The following PUS10 variants were observed in gnomAD, a reference collection of about 807,000 sequenced individuals.
The protein encoded by PUS10 is tRNA pseudouridine synthase Pus10.
In PUS10, 59 loss-of-function variants were observed where a neutral mutation model predicts 75.0. The observed-to-expected ratio is 0.79, with a 90% confidence interval of 0.64 to 0.98. The LOEUF (loss-of-function observed/expected upper bound fraction) is 0.98. Among genes scored for constraint, PUS10 ranks in the 50% least tolerant of loss-of-function variants. The probability of loss-of-function intolerance (pLI) is 0.00; values close to 1 mark genes in which losing one functional copy is unlikely to be tolerated. For missense variants in PUS10, 650 were observed against 614.4 expected, an observed-to-expected ratio of 1.06 and a Z score of -0.61; for synonymous variants, 219 against 211.6, an observed-to-expected ratio of 1.03 and a Z score of -0.30.
At chr2:61,016,216 C>A (rs146652281) in intron 1 of PUS10, among the ~76,000 whole-genome samples, 3 of 152,270 alleles carry the variant, frequency 2.0e-5, no homozygotes, top group Non-Finnish European at 4.4e-5. Flanking sequence ...TACAAAACTT[C>A]CAGTCCTGAG....
chr2:60,951,330 G>A (rs1435299337), intron 15 of PUS10, among the ~76,000 whole-genome samples: 3 of 151,978 alleles, frequency 2.0e-5, no homozygotes, highest in Non-Finnish European at 4.4e-5. Context: ...GATGGTTTTG[G>A]GATGATTCAA....
intron 8 of PUS10, among the ~76,000 whole-genome samples, chr2:60,963,468 T>A (rs1317173523): frequency 6.6e-6 from 1 of 152,218 alleles, no homozygotes; most frequent in Non-Finnish European, 1.5e-5. Flanking sequence ...AATGTTCCAC[T>A]TGGATTTTTT....
In PUS10 at chr2:60,965,482, G is replaced by A. The variant is rs1676285387; in HGVS notation, c.618C>T (p.Ser206=). ...CAAAGACCACACTCACTTCAAACAA[G>A]CTCTAAAAATTATAAAGACAGTTTA... The part of the protein sequence containing the change: ...EELGVPIDGK[S]LFEVSVVFAH... The change falls in exon 7 of 18, where the codon AGC becomes AGT. Residue 206 remains serine (S), a splice_region_variant and synonymous_variant. Transcript: ENST00000316752. 1 of 1,599,206 alleles carries A rather than the reference G, an allele frequency of 6.3e-7. No homozygotes were observed. Among genetic ancestry groups the A allele is most frequent in the African/African-American group, 1.4e-5 (1 of 73,896 alleles).
rs200937416 is a variant in PUS10 at position 60,948,188 on chromosome 2, A to G, written c.1309-3T>C. ...GTTTTCTGGTCGATTTTTAAGTCCT[A>G]GGGGAGAATATGACACACAGTCCCA... On this transcript the variant is annotated splice_polypyrimidine_tract_variant and splice_region_variant and intron_variant, in intron 15 of 17. Coordinates refer to ENST00000316752, the MANE Select transcript of PUS10 (RefSeq NM_144709.4). The G allele has an allele frequency of 3.6e-4, 580 of 1,613,960 alleles. 6 individuals are homozygous for G. In the South Asian group the frequency reaches 6.1e-3, roughly 17 times the overall value.
intron 11 of PUS10, among the ~76,000 whole-genome samples, chr2:60,955,431 T>C (rs1001981850): frequency 3.3e-5 from 5 of 152,038 alleles, no homozygotes; most frequent in African/African-American, 1.2e-4. Context: ...CTGGGCCCAA[T>C]CAATCCTCTT....
intron 4 of PUS10, among the ~76,000 whole-genome samples, chr2:61,005,264 A>G (rs1349944211): frequency 6.6e-6 from 1 of 151,262 alleles, no homozygotes; most frequent in Non-Finnish European, 1.5e-5. Flanking sequence ...TCCGTCTCAA[A>G]ACAAACAAAC....
At chr2:60,960,601 C>A in intron 10 of PUS10, 84 bp from the exon 11 acceptor site, 1 of 1,285,376 alleles carries the variant, frequency 7.8e-7, no homozygotes, top group Middle Eastern at 1.9e-4. Context: ...ACTATAAGGG[C>A]CAATATCCTA....
At chr2:60,945,187 A>G (rs1674868029) in intron 16 of PUS10, 79 bp from the exon 17 acceptor site, 2 of 857,628 alleles carry the variant, frequency 2.3e-6, no homozygotes, top group Non-Finnish European at 4.0e-6. Context: ...AAAAATAATA[A>G]TAAGAGCAGA....
rs888414829 is a variant in PUS10 at position 60,955,063 on chromosome 2, A to G, written c.1012T>C (p.Ser338Pro). The change falls in exon 12 of 18, where the codon TCA becomes CCA. Residue 338 changes from serine to proline, a missense_variant. Transcript: ENST00000316752. ...AVFKAESFNF[S>P]SSGREDVDVR... ...TCTACATCTTCTCTTCCAGAGGATG[A>G]AAAATTAAAACCTTTGAAAAGCAGA... is the stretch of plus-strand genomic sequence containing the variant. 1.9e-6 allele frequency: 3 copies of G among 1,595,136 alleles called. No individual in the cohort carries two copies. The highest frequency in any genetic ancestry group is 2.6e-6 in the Non-Finnish European group (3 of 1,171,090).
rs981378476 is a variant in PUS10 at position 60,984,073 on chromosome 2, T to A, written c.469-12516A>T. 2.0e-5 allele frequency among the ~76,000 whole-genome samples: 3 copies of A among 152,156 alleles called. No homozygotes were observed. The South Asian group carries it at 6.2e-4, about 31-fold the overall frequency. On this transcript the variant is annotated intron_variant, in intron 4 of 17. Transcript: ENST00000316752. ...TAAATAAATGTGTGAGGAAAAACTA[T>A]AATATAATTGAAAGATCAAAACAAA...
In PUS10 at chr2:60,948,133, AG is replaced by A; in HGVS notation, c.1360del (p.Leu454TrpfsTer25). ...TPLRVLHRRP[L>X]AVRARVIHFM... ...GTGAATGACGCGAGCTCGCACAGCC[AG>A]GGGCCTTCGGTGAAGGACGCGCAAA... On this transcript the variant is annotated frameshift_variant, in exon 16 of 18. Coordinates refer to ENST00000316752, the MANE Select transcript of PUS10 (RefSeq NM_144709.4). LOFTEE classifies it high-confidence loss of function. 2 of 1,614,140 alleles carry A rather than the reference AG, an allele frequency of 1.2e-6. No individual in the cohort carries two copies. Among genetic ancestry groups the A allele is most frequent in the Non-Finnish European group, 1.7e-6 (2 of 1,180,010 alleles).
In PUS10 at chr2:60,953,103, C is replaced by T. The variant is rs1407627070; in HGVS notation, c.1202G>A (p.Gly401Glu). 1 of 1,563,740 alleles carries T rather than the reference C, an allele frequency of 6.4e-7. No individual in the cohort carries two copies. Among genetic ancestry groups the T allele is most frequent in the Non-Finnish European group, 8.8e-7 (1 of 1,140,992 alleles). Residue 401 changes from glycine to glutamate, a missense_variant, in exon 15 of 18, where the codon GGA becomes GAA. Physicochemically the swap from Gly to Glu is moderately conservative, Grantham distance 98 (BLOSUM62 -2). Transcript: ENST00000316752. ...TTCTTCTTCACCTTCTTTCATATGTCCTATTGCCTCTCTAAACAAAAACAA... is the reference window on the plus strand; with the variant it reads ...TTCTTCTTCACCTTCTTTCATATGTTCTATTGCCTCTCTAAACAAAAACAA... ...DLQLVTREAI[G>E]HMKEGEEEKT... is the part of the protein sequence containing the mutation.
intron 7 of PUS10, 31 bp from the exon 8 acceptor site, chr2:60,965,134 T>C (rs753432123): frequency 6.3e-7 from 1 of 1,587,766 alleles, no homozygotes; most frequent in East Asian, 2.2e-5. Flanking sequence ...ATATAAAAGG[T>C]TAATGAGTTT....
In PUS10 at chr2:60,940,359, G is replaced by A. The variant is rs1573362530; in HGVS notation, c.*2036C>T. On this transcript the variant is annotated 3_prime_UTR_variant, in exon 18 of 18. Coordinates refer to ENST00000316752, the MANE Select transcript of PUS10 (RefSeq NM_144709.4). ...AAGTACAAAGGGCTCTTTCTCTTAAGTGTTATGAAAAAGACTTTGAATTTA... is the reference window on the plus strand; with the variant it reads ...AAGTACAAAGGGCTCTTTCTCTTAAATGTTATGAAAAAGACTTTGAATTTA... 1 of 152,372 alleles carries A rather than the reference G, an allele frequency of 6.6e-6. No homozygotes were observed. Among genetic ancestry groups the A allele is most frequent in the Middle Eastern group, 3.4e-3 (1 of 294 alleles). 9.4% of individuals were successfully genotyped at this position (152,372 alleles called of 1,614,324 possible). A position where few individuals can be genotyped will look rare whatever the true frequency, so the allele number is the denominator to read the frequency against.
intron 16 of PUS10, among the ~76,000 whole-genome samples, chr2:60,945,309 G>A (rs1292246050): frequency 1.3e-5 from 2 of 152,194 alleles, no homozygotes; most frequent in Non-Finnish European, 2.9e-5. Context: ...CCTGGGAAAT[G>A]TGTTTACATC....
At chr2:60,971,485 T>C (rs758878897) in intron 5 of PUS10, 38 bp downstream of exon 5, 4 of 1,575,920 alleles carry the variant, frequency 2.5e-6, no homozygotes, top group Non-Finnish European at 3.5e-6. Flanking sequence ...TAGCTTGTAT[T>C]TGAATGGTAG....
chr2:60,974,818 C>A (rs1454713349), intron 4 of PUS10, among the ~76,000 whole-genome samples: 3 of 152,254 alleles, frequency 2.0e-5, no homozygotes, highest in African/African-American at 7.2e-5. Flanking sequence ...ACTCACACAC[C>A]TCTCGCTGCT....
At chr2:60,962,430 G>A (rs930188508) in intron 9 of PUS10, among the ~76,000 whole-genome samples, 4 of 152,004 alleles carry the variant, frequency 2.6e-5, no homozygotes, top group East Asian at 3.9e-4. Flanking sequence ...AAAATTAGCC[G>A]GGCAGTGGTG....
At chr2:61,017,065 AAGCCGCTCCAGC>A (rs1283321424) in intron 1 of PUS10, 1 of 152,236 alleles carries the variant, frequency 6.6e-6, no homozygotes, top group African/African-American at 2.4e-5. Context: ...TTTGCTAACA[AAGCCGCTCCAGC>A]AGGAGAGAAA....
Sources: allele counts gnomAD v4.1 joint callset (sites outside exome capture counted in the v4.1 genomes callset), GRCh38; gene constraint gnomAD v4.1.1; transcripts MANE v1.5; gene names NCBI Gene and HGNC (gene_info 2026-07-23, HGNC 2026-07-21).